CSMD1: variants seen among roughly 807,000 people sequenced by gnomAD.
CSMD1 encodes the protein CUB and Sushi multiple domains 1.
A neutral mutation model predicts 417.5 loss-of-function variants in CSMD1; 213 were observed. That is an observed-to-expected ratio of 0.51 (90% CI 0.46 to 0.57). The LOEUF is 0.57. CSMD1 is among the 20% of genes least tolerant of loss of function. The pLI is 0.00. For synonymous variants in CSMD1, 2,862 were observed against 1,736.8 expected, an observed-to-expected ratio of 1.65 and a Z score of -16.11; for missense variants, 6,923 against 4,529.7, an observed-to-expected ratio of 1.53 and a Z score of -15.17.
At chr8:4,586,807 G>GTTCTGCACA (rs1475017124) in intron 2 of CSMD1, among the ~76,000 whole-genome samples, 2 of 152,222 alleles carry the variant, frequency 1.3e-5, no homozygotes, top group African/African-American at 4.8e-5. Context: ...GGCTGCAGCT[G>GTTCTGCACA]TTCTGCACAC....
At chr8:4,225,809 C>T (rs1307530821) in intron 3 of CSMD1, among the ~76,000 whole-genome samples, 1 of 152,062 alleles carries the variant, frequency 6.6e-6, no homozygotes, top group Non-Finnish European at 1.5e-5. Context: ...TATTGCATGA[C>T]ATTCTTAGAT....
intron 54 of CSMD1, among the ~76,000 whole-genome samples, chr8:2,980,474 C>A (rs944102015): frequency 1.3e-5 from 2 of 151,976 alleles, no homozygotes; most frequent in African/African-American, 4.8e-5. Context: ...CCTTCTCTTT[C>A]TCCTCCTCCT....
chr8:4,170,137 T>A (rs1797689403), intron 3 of CSMD1, among the ~76,000 whole-genome samples: 1 of 151,848 alleles, frequency 6.6e-6, no homozygotes, highest in African/African-American at 2.4e-5. Context: ...GCTTCTCTTG[T>A]AAAAGTTACC....
intron 5 of CSMD1, among the ~76,000 whole-genome samples, chr8:3,864,240 G>A (rs1804923910): frequency 6.6e-6 from 1 of 152,144 alleles, no homozygotes; most frequent in African/African-American, 2.4e-5. Flanking sequence ...CCCATAGACT[G>A]TTGTTAAAAT....
chr8:3,792,649 A>T (rs1318579188), intron 5 of CSMD1, among the ~76,000 whole-genome samples: 1 of 152,162 alleles, frequency 6.6e-6, no homozygotes, highest in Non-Finnish European at 1.5e-5. Context: ...ATCATTTGCC[A>T]TGTTACAGAA....
At chr8:3,911,713 A>G (rs1259388030) in intron 5 of CSMD1, among the ~76,000 whole-genome samples, 1 of 152,036 alleles carries the variant, frequency 6.6e-6, no homozygotes, top group African/African-American at 2.4e-5. Context: ...CGCCTATCAA[A>G]CTCCAGAACT....
intron 1 of CSMD1, among the ~76,000 whole-genome samples, chr8:4,767,397 G>C (rs1284191122): frequency 6.6e-6 from 1 of 152,056 alleles, no homozygotes; most frequent in East Asian, 1.9e-4. Context: ...TTTTTATTCT[G>C]GTACCTGTGC....
At chr8:4,297,944 G>C (rs1031798017) in intron 3 of CSMD1, among the ~76,000 whole-genome samples, 1 of 152,144 alleles carries the variant, frequency 6.6e-6, no homozygotes, top group African/African-American at 2.4e-5. Flanking sequence ...AAAATAAAAG[G>C]CTAGGTGACG....
At chr8:3,349,086 T>G (rs1808216750) in intron 21 of CSMD1, among the ~76,000 whole-genome samples, 1 of 152,230 alleles carries the variant, frequency 6.6e-6, no homozygotes, top group African/African-American at 2.4e-5. Flanking sequence ...CACACCGATG[T>G]AAACATCCCA....
intron 3 of CSMD1, among the ~76,000 whole-genome samples, chr8:4,067,610 T>C (rs1343845422): frequency 6.6e-6 from 1 of 152,220 alleles, no homozygotes; most frequent in Non-Finnish European, 1.5e-5. Flanking sequence ...AATTCTTTTA[T>C]TCATCCAAAA....
At chr8:4,905,941 C>T (rs1805240152) in intron 1 of CSMD1, among the ~76,000 whole-genome samples, 3 of 152,094 alleles carry the variant, frequency 2.0e-5, no homozygotes. Flanking sequence ...GTCCCAGTTT[C>T]CCAAACCCCC....
intron 15 of CSMD1, among the ~76,000 whole-genome samples, chr8:3,400,421 T>C (rs566678359): frequency 2.6e-5 from 4 of 152,110 alleles, no homozygotes; most frequent in South Asian, 4.1e-4. Context: ...ATATGTATAA[T>C]GTAAAAATGC....
intron 49 of CSMD1, among the ~76,000 whole-genome samples, chr8:3,077,308 C>A (rs575463605): frequency 6.6e-6 from 1 of 152,240 alleles, no homozygotes; most frequent in Non-Finnish European, 1.5e-5. Context: ...TGCCTAGGTC[C>A]CCCCAAGACA....
chr8:3,093,473 C>T (rs1815091967), intron 47 of CSMD1, among the ~76,000 whole-genome samples: 1 of 152,052 alleles, frequency 6.6e-6, no homozygotes, highest in Non-Finnish European at 1.5e-5. Flanking sequence ...TTGAGACCAG[C>T]CTGGCCAATA....
intron 22 of CSMD1, among the ~76,000 whole-genome samples, chr8:3,344,163 T>C (rs1001356946): frequency 6.6e-6 from 1 of 152,150 alleles, no homozygotes; most frequent in African/African-American, 2.4e-5. Flanking sequence ...GGTTCAGTCA[T>C]GGGTTCCCAA....
At chr8:4,688,422 C>G (rs1328412018) in intron 1 of CSMD1, among the ~76,000 whole-genome samples, 1 of 152,050 alleles carries the variant, frequency 6.6e-6, no homozygotes, top group Non-Finnish European at 1.5e-5. Context: ...CTATACCAAA[C>G]CAAGAAGGGT....
chr8:3,401,231 G>C (rs886517236), intron 15 of CSMD1, among the ~76,000 whole-genome samples: 12 of 151,936 alleles, frequency 7.9e-5, no homozygotes, highest in African/African-American at 2.9e-4. Flanking sequence ...TGATAGTTGA[G>C]CAATTTCTAA....
chr8:4,534,386 A>G (rs1276157086), intron 2 of CSMD1, among the ~76,000 whole-genome samples: 2 of 152,210 alleles, frequency 1.3e-5, no homozygotes, highest in African/African-American at 4.8e-5. Context: ...ATGGTTTATC[A>G]ATTGAAACTT....
Position 3,742,143 on chromosome 8 carries a change from C to T in CSMD1, c.931+11787G>A, listed in dbSNP as rs554943978. ...CAGTCTATTTGTCTATCCACCTAGT[C>T]ACTTCTATCGCCTTTCTGTAAAGTG... is the stretch of plus-strand genomic sequence containing the variant. On this transcript the variant is annotated intron_variant, in intron 6 of 69. Coordinates refer to ENST00000635120, the MANE Select transcript of CSMD1 (RefSeq NM_033225.6). 2.7e-4 allele frequency among the ~76,000 whole-genome samples: 41 copies of T among 152,298 alleles called. No individual in the cohort carries two copies. In the South Asian group the frequency reaches 3.5e-3, roughly 13 times the overall value.
Sources: allele counts gnomAD v4.1 joint callset (sites outside exome capture counted in the v4.1 genomes callset), GRCh38; gene constraint gnomAD v4.1.1; transcripts MANE v1.5; gene names NCBI Gene and HGNC (gene_info 2026-07-23, HGNC 2026-07-21).